Variants in LRRC8D observed in about 807,000 individuals in gnomAD.
The protein encoded by LRRC8D is leucine rich repeat containing 8 VRAC subunit D.
LRRC8D carries 20 observed loss-of-function variants against 55.8 expected under a neutral mutation model. The observed-to-expected ratio is 0.36, with a 90% CI of 0.25 to 0.52. The LOEUF is 0.52. Among genes scored for constraint, LRRC8D ranks in the 20% least tolerant of loss-of-function variants. The pLI is 0.93. For synonymous variants in LRRC8D, 352 were observed against 377.0 expected, an observed-to-expected ratio of 0.93 and a Z score of 0.77; for missense variants, 651 against 1,030.8, an observed-to-expected ratio of 0.63 and a Z score of 5.05.
At chr1:89,922,254 CG>C (rs1243790552) in intron 2 of LRRC8D, among the ~76,000 whole-genome samples, 2 of 151,838 alleles carry the variant, frequency 1.3e-5, no homozygotes, top group African/African-American at 4.8e-5. Flanking sequence ...TACTAGAGAC[CG>C]GGTTTCATCA....
At chr1:89,839,311 G>A (rs1159703747) in intron 1 of LRRC8D, among the ~76,000 whole-genome samples, 1 of 152,322 alleles carries the variant, frequency 6.6e-6, no homozygotes, top group African/African-American at 2.4e-5. Flanking sequence ...TTCATTGTGT[G>A]TGTTTGGAAG....
chr1:89,929,159 A>T (rs1294393051), intron 2 of LRRC8D, among the ~76,000 whole-genome samples: 1 of 152,226 alleles, frequency 6.6e-6, no homozygotes, highest in Non-Finnish European at 1.5e-5. Context: ...ACAAGTAAAT[A>T]CAGTGTGATA....
At chr1:89,920,230 A>G (rs573502399) in intron 2 of LRRC8D, among the ~76,000 whole-genome samples, 4 of 152,324 alleles carry the variant, frequency 2.6e-5, no homozygotes, top group Non-Finnish European at 5.9e-5. Flanking sequence ...TTCTGAGGCA[A>G]ATTTGCTCTG....
chr1:89,935,500 A>G lies in LRRC8D; in HGVS notation c.2432A>G (p.Asp811Gly). 1 of 1,614,066 alleles carries G rather than the reference A, an allele frequency of 6.2e-7. No homozygotes were observed. The highest frequency in any genetic ancestry group is 2.2e-5 in the East Asian group (1 of 44,888). Residue 811 changes from aspartate to glycine, a missense_variant, in exon 3 of 3, where the codon GAC (aspartate) becomes GGC (glycine). Asp to Gly is a moderately conservative substitution (Grantham distance 94). Transcript: ENST00000337338. ...TQLELKGNCL[D>G]RLPAQLGQCR... ...CTGGAGCTGAAGGGGAACTGCTTGG[A>G]CCGCCTGCCAGCCCAGCTGGGCCAG... is the stretch of plus-strand genomic sequence containing the variant.
intron 2 of LRRC8D, among the ~76,000 whole-genome samples, chr1:89,932,394 T>G (rs1156453498): frequency 6.6e-6 from 1 of 152,172 alleles, no homozygotes; most frequent in Non-Finnish European, 1.5e-5. Context: ...ATAGTAAGAC[T>G]CCTCCTAAAC....
chr1:89,914,639 C>G (rs1454707326), intron 2 of LRRC8D, among the ~76,000 whole-genome samples: 1 of 151,778 alleles, frequency 6.6e-6, no homozygotes, highest in Non-Finnish European at 1.5e-5. Flanking sequence ...CTTGGTTTTC[C>G]TGGAAACGTC....
rs943229671 is a variant in LRRC8D at position 89,898,444 on chromosome 1, C to T, written c.-2-34623C>T. Among the ~76,000 whole-genome samples the T allele has an allele frequency of 5.9e-5, 9 of 152,184 alleles. No homozygotes were observed. In the East Asian group the frequency reaches 1.5e-3, roughly 26 times the overall value. ...TTCTACGAAGGAAATACTCTCACTT[C>T]CTGTGGATCAGGACATTGAAGCTCA... On this transcript the variant is annotated intron_variant, in intron 2 of 2. Transcript: ENST00000337338.
chr1:89,858,681 T>G (rs2100787212), intron 2 of LRRC8D, among the ~76,000 whole-genome samples: 1 of 152,266 alleles, frequency 6.6e-6, no homozygotes, highest in Admixed American at 6.5e-5. Flanking sequence ...TGGACTTTTT[T>G]TTTTTCCTTC....
chr1:89,843,492 GGCCA>G (rs1209471510), intron 1 of LRRC8D, 142 bp from the exon 2 acceptor site: 10 of 486,208 alleles, frequency 2.1e-5, no homozygotes, highest in Non-Finnish European at 3.4e-5. Flanking sequence ...GGGTCGCCAC[GGCCA>G]GGGGAGCGCT....
intron 2 of LRRC8D, among the ~76,000 whole-genome samples, chr1:89,909,073 T>C (rs1570881098): frequency 6.6e-6 from 1 of 152,130 alleles, no homozygotes; most frequent in East Asian, 1.9e-4. Flanking sequence ...ATTCCCATGA[T>C]GCTGCCTGAG....
At position 89,860,833 on chromosome 1, in the gene LRRC8D, G is replaced by C. The variant is rs147579614; in HGVS notation, c.-3+17051G>C. The stretch of plus-strand genomic sequence containing the variant: ...ATACACACACAGACGCATTTTGTAC[G>C]TATTTTTAAGATTTTCCTTGAAATT... On this transcript the variant is annotated intron_variant, in intron 2 of 2. Transcript: ENST00000337338. 8.7e-3 allele frequency among the ~76,000 whole-genome samples: 1,026 copies of C among 117,668 alleles called. 9 individuals are homozygous for C. Among genetic ancestry groups the C allele is most frequent in the Non-Finnish European group, 0.012 (727 of 59,846 alleles). The allele number at this position is 117,668 out of a possible 152,430, so 77.2% of individuals were successfully genotyped here. A position where few individuals can be genotyped will look rare whatever the true frequency, so the allele number is the denominator to read the frequency against.
Position 89,934,770 on chromosome 1 carries a change from A to G in LRRC8D, c.1702A>G (p.Ile568Val), listed in dbSNP as rs759756071. ...CAAAAACCTTCGAGAGTTGTACTTA[A>G]TAGGCAATTTGAACTCTGAAAACAA... ...LLKNLRELYL[I>V]GNLNSENNKM... The change falls in exon 3 of 3, where the codon ATA becomes GTA. Residue 568 changes from isoleucine to valine, a missense_variant. Around this residue, in one of 5 missense-constraint regions of LRRC8D, gnomAD observed 338 missense variants for 479.4 expected, o/e 0.71. Coordinates refer to ENST00000337338, the MANE Select transcript of LRRC8D (RefSeq NM_001134479.2). This position sits in a 1 kb window ranked among gnomAD's most constrained non-coding sequence, Gnocchi z 5.9. 4 of 1,614,180 alleles carry G rather than the reference A, an allele frequency of 2.5e-6. No individual in the cohort carries two copies. In the Admixed American group the frequency reaches 5.0e-5, roughly 20 times the overall value.
At chr1:89,883,879 A>G (rs1165961746) in intron 2 of LRRC8D, among the ~76,000 whole-genome samples, 1 of 152,204 alleles carries the variant, frequency 6.6e-6, no homozygotes, top group African/African-American at 2.4e-5. Context: ...GTGGAGAAAC[A>G]TAGGGACTTT....
At chr1:89,848,286 T>C (rs1035531547) in intron 2 of LRRC8D, among the ~76,000 whole-genome samples, 3 of 152,194 alleles carry the variant, frequency 2.0e-5, no homozygotes, top group African/African-American at 7.2e-5. Flanking sequence ...TTCAGAATCA[T>C]GATGGTCATA....
chr1:89,848,415 T>C (rs180990481), intron 2 of LRRC8D, among the ~76,000 whole-genome samples: 123 of 152,278 alleles, frequency 8.1e-4, no homozygotes, highest in Non-Finnish European at 1.0e-3. Context: ...GATTTATCCC[T>C]GTTCTGCAGT....
intron 2 of LRRC8D, among the ~76,000 whole-genome samples, chr1:89,848,229 C>T (rs77496648): frequency 0.022 from 3,321 of 152,262 alleles, 110 homozygotes; most frequent in African/African-American, 0.077. Context: ...AATACTTCTG[C>T]GAATATGCCT....
At chr1:89,921,100 A>G (rs1371856048) in intron 2 of LRRC8D, among the ~76,000 whole-genome samples, 6 of 152,366 alleles carry the variant, frequency 3.9e-5, no homozygotes, top group Non-Finnish European at 7.3e-5. Flanking sequence ...GTGGTGGCTC[A>G]TGCCTGTAAT....
intron 1 of LRRC8D, among the ~76,000 whole-genome samples, chr1:89,823,647 C>T (rs1243859619): frequency 6.6e-6 from 1 of 152,184 alleles, no homozygotes; most frequent in African/African-American, 2.4e-5. Context: ...TTCTAAGAAA[C>T]ACCAGTTAAT....
At chr1:89,850,081 T>C (rs1257214819) in intron 2 of LRRC8D, among the ~76,000 whole-genome samples, 1 of 152,198 alleles carries the variant, frequency 6.6e-6, no homozygotes, top group Non-Finnish European at 1.5e-5. Flanking sequence ...CCAATTTTTA[T>C]TTTTAAAAAT....
Sources: gnomAD v4.1 joint callset for allele counts (sites outside exome capture counted in the v4.1 genomes callset) on GRCh38, gnomAD v4.1.1 for gene constraint, gnomAD v4.1.1 regional missense constraint, Gnocchi (gnomAD v3.1) non-coding constraint, MANE v1.5 for transcripts, NCBI Gene and HGNC (gene_info 2026-07-23, HGNC 2026-07-21) for gene names.